TENM2: variants seen among roughly 807,000 people sequenced by gnomAD.
TENM2 encodes the protein teneurin-2.
TENM2 carries 52 observed loss-of-function variants against 245.2 expected under a neutral mutation model. The observed-to-expected ratio is 0.21, with a 90% CI of 0.17 to 0.27. TENM2 has a LOEUF of 0.27. Ranked by LOEUF, TENM2 falls within the 10% of genes least tolerant of loss-of-function variation. The pLI, the probability that TENM2 is intolerant of heterozygous loss-of-function variation, is 1.00. For synonymous variants in TENM2, 1,363 were observed against 1,438.9 expected (o/e 0.95, Z 1.19); for missense variants, 3,046 against 3,666.8 (o/e 0.83, Z 4.37).
At chr5:167,486,230 G>A (rs1260919749) in intron 2 of TENM2, among the ~76,000 whole-genome samples, 1 of 152,046 alleles carries the variant, frequency 6.6e-6, no homozygotes, top group Admixed American at 6.6e-5. Flanking sequence ...TTGTGTTGGG[G>A]ATATAAATAA....
rs115999140 is a variant in TENM2, at chr5:167,490,739, C to T, written c.502+115266C>T. Among the ~76,000 whole-genome samples, 921 of 152,122 alleles carry T rather than the reference C, an allele frequency of 6.1e-3. 14 individuals carry two copies. The highest frequency in any genetic ancestry group is 0.021 in the African/African-American group (882 of 41,488). ...AAACAGGACAAACATGACTTTTTAA[C>T]CAAGATTAATTAAATTCAAGTTATT... On this transcript the variant is annotated intron_variant, in intron 2 of 28. Transcript: ENST00000518659.
At chr5:167,656,011 A>G (rs1198157561) in intron 2 of TENM2, among the ~76,000 whole-genome samples, 2 of 152,112 alleles carry the variant, frequency 1.3e-5, no homozygotes, top group Non-Finnish European at 2.9e-5. Flanking sequence ...GCAGTTTCAT[A>G]TTGCGCCGGG....
the TENM2 span, among the ~76,000 whole-genome samples, chr5:167,140,923 A>T: frequency 6.6e-6 from 1 of 152,214 alleles, no homozygotes; most frequent in African/African-American, 2.4e-5. Flanking sequence ...AAACCAGGTG[A>T]CTCATAGAGG....
chr5:167,178,486 A>T, the TENM2 span, among the ~76,000 whole-genome samples: 1 of 152,088 alleles, frequency 6.6e-6, no homozygotes, highest in Non-Finnish European at 1.5e-5. Flanking sequence ...GTGGGTAAGG[A>T]TGGAGTGTTA....
intron 3 of TENM2, among the ~76,000 whole-genome samples, chr5:167,881,004 T>C (rs1057034817): frequency 1.3e-5 from 2 of 152,190 alleles, no homozygotes; most frequent in African/African-American, 2.4e-5. Context: ...CATCCTCTCA[T>C]GAAAACTTCA....
chr5:168,182,590 G>A (rs1760008033), intron 13 of TENM2, among the ~76,000 whole-genome samples: 1 of 152,162 alleles, frequency 6.6e-6, no homozygotes, highest in South Asian at 2.1e-4. Context: ...TTTGTTTGCT[G>A]TTTTTCAAAC....
chr5:167,185,949 G>A, the TENM2 span, among the ~76,000 whole-genome samples: 1 of 152,094 alleles, frequency 6.6e-6, no homozygotes, highest in Non-Finnish European at 1.5e-5. Context: ...TGACTCCTCG[G>A]AATATCTACA....
intron 2 of TENM2, among the ~76,000 whole-genome samples, chr5:167,522,395 G>A (rs1770821926): frequency 6.6e-6 from 1 of 152,048 alleles, no homozygotes. Flanking sequence ...AAAGAGGTTG[G>A]ATGAGATGTG....
At chr5:167,785,995 C>G (rs1583007000) in intron 2 of TENM2, among the ~76,000 whole-genome samples, 1 of 152,164 alleles carries the variant, frequency 6.6e-6, no homozygotes, top group Non-Finnish European at 1.5e-5. Context: ...TATTTGTGGT[C>G]CCTGAATTAA....
intron 2 of TENM2, among the ~76,000 whole-genome samples, chr5:167,432,673 T>G (rs1764320465): frequency 6.6e-6 from 1 of 152,072 alleles, no homozygotes; most frequent in African/African-American, 2.4e-5. Flanking sequence ...ATTGAATAAT[T>G]ATTGGTGCTG....
At chr5:168,163,834 A>G (rs1475937607) in intron 13 of TENM2, among the ~76,000 whole-genome samples, 4 of 152,198 alleles carry the variant, frequency 2.6e-5, no homozygotes, top group Non-Finnish European at 4.4e-5. Context: ...CTAATCTATA[A>G]CTAAGGTTTG....
intron 2 of TENM2, among the ~76,000 whole-genome samples, chr5:167,426,572 G>C (rs1328255187): frequency 6.9e-6 from 1 of 145,300 alleles, no homozygotes; most frequent in Non-Finnish European, 1.5e-5. Flanking sequence ...AAAAATTCTA[G>C]ATTTAAGCAT....
the TENM2 span, among the ~76,000 whole-genome samples, chr5:167,031,048 C>G: frequency 2.6e-5 from 4 of 152,144 alleles, no homozygotes; most frequent in African/African-American, 9.7e-5. Context: ...GGAATCGAAC[C>G]TTTTAGAAGT....
intron 2 of TENM2, among the ~76,000 whole-genome samples, chr5:167,614,629 C>T (rs945850630): frequency 6.6e-6 from 1 of 151,994 alleles, no homozygotes; most frequent in Admixed American, 6.6e-5. Flanking sequence ...AGGCTAAGGA[C>T]TGTGTGAAAT....
chr5:167,764,661 G>A (rs1762887716), intron 2 of TENM2, among the ~76,000 whole-genome samples: 3 of 152,136 alleles, frequency 2.0e-5, no homozygotes, highest in Admixed American at 6.5e-5. Flanking sequence ...ACTTGGAGAC[G>A]GTGGGCCGGT....
chr5:167,120,012 G>A, the TENM2 span, among the ~76,000 whole-genome samples: 3,678 of 152,220 alleles, frequency 0.024, 146 homozygotes, highest in African/African-American at 0.083. Flanking sequence ...GTCGAGCCTC[G>A]TAGGCAAAGC....
At chr5:167,147,835 G>C in the TENM2 span, among the ~76,000 whole-genome samples, 204 of 152,114 alleles carry the variant, frequency 1.3e-3, 2 homozygotes, top group African/African-American at 4.7e-3. Context: ...TTTTTCTCAG[G>C]ATAAACACCA....
the TENM2 span, among the ~76,000 whole-genome samples, chr5:167,162,840 G>A: frequency 7.6e-3 from 1,154 of 152,218 alleles, 15 homozygotes; most frequent in African/African-American, 0.026. Flanking sequence ...GCTTTTTCTT[G>A]CCAATGAATT....
At chr5:167,963,924 G>A (rs952152527) in intron 4 of TENM2, among the ~76,000 whole-genome samples, 5 of 152,094 alleles carry the variant, frequency 3.3e-5, no homozygotes, top group Non-Finnish European at 7.4e-5. Flanking sequence ...AAAGAACAAT[G>A]CATATAAATT....
Sources: gnomAD v4.1 joint callset for allele counts (sites outside exome capture counted in the v4.1 genomes callset) on GRCh38, gnomAD v4.1.1 for gene constraint, MANE v1.5 for transcripts, NCBI Gene and HGNC (gene_info 2026-07-23, HGNC 2026-07-21) for gene names.